Variants in RFX4 observed in about 807,000 individuals in gnomAD.
RFX4 encodes the protein transcription factor RFX4.
Under a neutral mutation model 95.0 loss-of-function variants are expected in RFX4, and 10 were observed. That is an observed-to-expected ratio of 0.11 (90% CI 0.06 to 0.18). RFX4 has a LOEUF of 0.18. Among genes scored for constraint, RFX4 ranks in the 10% least tolerant of loss-of-function variants. The probability of loss-of-function intolerance (pLI) is 1.00; values close to 1 mark genes in which losing one functional copy is unlikely to be tolerated. For missense variants in RFX4, 640 were observed against 922.0 expected (o/e 0.69, Z 3.96); for synonymous variants, 321 against 340.7 (o/e 0.94, Z 0.64).
chr12:106,638,812 G>A (rs1042944811), intron 2 of RFX4, among the ~76,000 whole-genome samples: 14 of 152,240 alleles, frequency 9.2e-5, no homozygotes, highest in African/African-American at 3.1e-4. Context: ...TGGTATGGGG[G>A]AGCTCTCTGG....
intron 13 of RFX4, among the ~76,000 whole-genome samples, chr12:106,727,698 C>A (rs2042528814): frequency 6.6e-6 from 1 of 152,058 alleles, no homozygotes; most frequent in Admixed American, 6.5e-5. Context: ...CAGCTCACTG[C>A]AACCTCCGCC....
At position 106,720,991 on chromosome 12, in the gene RFX4, C is replaced by A; in HGVS notation, c.1351+115C>A. On this transcript the variant is annotated intron_variant, in intron 13 of 17. Coordinates refer to ENST00000392842, the MANE Select transcript of RFX4 (RefSeq NM_213594.3). The surrounding 1 kb of genome is among the most constrained non-coding windows in gnomAD (Gnocchi z 4.2). ...TCTGCAAGGTCATCACCCTGAAACA[C>A]ATCTCTTCTGGGGAGACATGACATT... The A allele has an allele frequency of 1.2e-6, 1 of 835,972 alleles. No homozygotes were observed. Among genetic ancestry groups the A allele is most frequent in the Non-Finnish European group, 2.0e-6 (1 of 501,350 alleles). 51.8% of individuals were successfully genotyped at this position (835,972 alleles called of 1,614,324 possible). A position where few individuals can be genotyped will look rare whatever the true frequency, so the allele number is the denominator to read the frequency against.
At chr12:106,649,712 G>GTA (rs2040822781) in intron 3 of RFX4, among the ~76,000 whole-genome samples, 1 of 152,192 alleles carries the variant, frequency 6.6e-6, no homozygotes, top group African/African-American at 2.4e-5. Context: ...CTTAAATAAA[G>GTA]TAACTTACTT....
intron 4 of RFX4, among the ~76,000 whole-genome samples, chr12:106,655,151 A>G (rs1267319810): frequency 1.3e-5 from 2 of 152,192 alleles, no homozygotes; most frequent in Non-Finnish European, 2.9e-5. Flanking sequence ...TTCCCTTTTC[A>G]GATCCCCAAA....
At chr12:106,741,864 C>CA (rs1391306778) in intron 15 of RFX4, among the ~76,000 whole-genome samples, 5 of 152,196 alleles carry the variant, frequency 3.3e-5, no homozygotes, top group African/African-American at 1.2e-4. Context: ...CATAGACTCT[C>CA]ATAAGGAGTG....
Position 106,649,024 on chromosome 12 carries a change from T to C in RFX4, c.192-5204T>C, listed in dbSNP as rs569502000. On this transcript the variant is annotated intron_variant, in intron 3 of 17. Coordinates refer to ENST00000392842, the MANE Select transcript of RFX4 (RefSeq NM_213594.3). The stretch of plus-strand genomic sequence containing the variant: ...AGCTCATTATCTCTCCATAATAGGA[T>C]AGGCTCAATTCAAATATAATCAAGT... Among the ~76,000 whole-genome samples, 14 of 152,118 alleles carry C rather than the reference T, an allele frequency of 9.2e-5. No individual in the cohort carries two copies. The South Asian group carries it at 2.7e-3, about 29-fold the overall frequency.
chr12:106,652,615 C>A (rs571495928), intron 3 of RFX4, among the ~76,000 whole-genome samples: 1 of 152,260 alleles, frequency 6.6e-6, no homozygotes, highest in East Asian at 1.9e-4. Flanking sequence ...CCCAGAAGCG[C>A]GGGAAGTAGA....
intron 15 of RFX4, among the ~76,000 whole-genome samples, chr12:106,738,191 C>A (rs752404828): frequency 1.3e-5 from 2 of 152,178 alleles, no homozygotes; most frequent in Admixed American, 6.5e-5. Flanking sequence ...CAGGGAGACA[C>A]ACACGAGTCT....
intron 3 of RFX4, among the ~76,000 whole-genome samples, chr12:106,651,961 G>A (rs557411781): frequency 1.3e-5 from 2 of 152,150 alleles, no homozygotes; most frequent in Admixed American, 6.5e-5. Flanking sequence ...AAGTTTGTAC[G>A]CGAGCTGGTT....
At chr12:106,601,418 C>T (rs905893980) in intron 1 of RFX4, 39 of 1,459,876 alleles carry the variant, frequency 2.7e-5, no homozygotes, top group South Asian at 3.8e-5. Context: ...GGGCCAGGCC[C>T]GCCTTGGTAG....
rs113442385 is a variant in RFX4, at chr12:106,709,922, G to A, written c.934+492G>A. On this transcript the variant is annotated intron_variant, in intron 9 of 17. Coordinates refer to ENST00000392842, the MANE Select transcript of RFX4 (RefSeq NM_213594.3). ...TCCTGCCCATAAAATGGTGGTAGCA[G>A]GAGAGAGAGAATAGCTTAAGGGCTT... Among the ~76,000 whole-genome samples the A allele has an allele frequency of 6.0e-3, 910 of 152,260 alleles. 10 individuals carry two copies. The highest frequency in any genetic ancestry group is 0.021 in the African/African-American group (855 of 41,536).
intron 4 of RFX4, among the ~76,000 whole-genome samples, chr12:106,664,327 G>A (rs868056440): frequency 2.0e-5 from 3 of 151,768 alleles, no homozygotes; most frequent in Admixed American, 6.6e-5. Context: ...CTAGATTATC[G>A]AATCTGTGGG....
At chr12:106,748,170 G>A (rs61943293) in intron 16 of RFX4, among the ~76,000 whole-genome samples, 12,804 of 152,148 alleles carry the variant, frequency 0.084, 677 homozygotes, top group East Asian at 0.26. Flanking sequence ...TCACACAGCT[G>A]GCACATGGTA....
At chr12:106,625,202 T>C (rs2040269835) in intron 2 of RFX4, among the ~76,000 whole-genome samples, 1 of 152,218 alleles carries the variant, frequency 6.6e-6, no homozygotes, top group South Asian at 2.1e-4. Context: ...TCAGGACTGT[T>C]ACTGAGGTCT....
intron 6 of RFX4, among the ~76,000 whole-genome samples, chr12:106,687,938 A>AT (rs2041694638): frequency 6.6e-6 from 1 of 152,224 alleles, no homozygotes; most frequent in Non-Finnish European, 1.5e-5. Flanking sequence ...ATTTGGTGAA[A>AT]TAATAGTCTA....
At chr12:106,696,674 A>G (rs1055525991) in intron 8 of RFX4, among the ~76,000 whole-genome samples, 14 of 152,232 alleles carry the variant, frequency 9.2e-5, no homozygotes, top group Admixed American at 2.6e-4. Context: ...GATGGTGTAC[A>G]GTAAACAATC....
intron 7 of RFX4, among the ~76,000 whole-genome samples, chr12:106,693,544 T>C (rs1392506595): frequency 6.6e-6 from 1 of 152,160 alleles, no homozygotes; most frequent in Admixed American, 6.5e-5. Context: ...AGCTTCTTAC[T>C]CAGAGTTAGA....
At chr12:106,610,045 G>C (rs1188317499) in intron 2 of RFX4, among the ~76,000 whole-genome samples, 1 of 151,960 alleles carries the variant, frequency 6.6e-6, no homozygotes, top group Non-Finnish European at 1.5e-5. Flanking sequence ...CACTGTATGA[G>C]TATATCACAG....
intron 1 of RFX4, among the ~76,000 whole-genome samples, chr12:106,584,198 G>T (rs1206747457): frequency 6.6e-6 from 1 of 152,128 alleles, no homozygotes; most frequent in African/African-American, 2.4e-5. Flanking sequence ...CCGGTATCTC[G>T]GTTCTTCCTC....
Sources: gnomAD v4.1 joint callset for allele counts (sites outside exome capture counted in the v4.1 genomes callset) on GRCh38, gnomAD v4.1.1 for gene constraint, Gnocchi (gnomAD v3.1) non-coding constraint, MANE v1.5 for transcripts, NCBI Gene and HGNC (gene_info 2026-07-23, HGNC 2026-07-21) for gene names.